CCDC51: variants seen among roughly 807,000 people sequenced by gnomAD.
CCDC51 encodes mitochondrial potassium channel.
CCDC51 carries 25 observed loss-of-function variants against 24.8 expected under a neutral mutation model. The observed-to-expected ratio is 1.01, with a 90% CI of 0.73 to 1.41. CCDC51 has a LOEUF of 1.41. CCDC51 is among the 40% of genes most tolerant of loss of function. The pLI is 0.00. For synonymous variants in CCDC51, 190 were observed against 204.3 expected (o/e 0.93, Z 0.60); for missense variants, 466 against 519.1 (o/e 0.90, Z 0.99).
In CCDC51 at chr3:48,432,923, GCC is replaced by G. The variant is rs1560088007; in HGVS notation, c.719_720del (p.Gly240AlafsTer14). ...LKALLLEAQK[G>X]PVSLQEAIRE... is the part of the protein sequence containing the mutation. Reference sequence around the variant, plus strand: ...CGAATGGCCTCTTGGAGACTCACAGGCCCCTTCTGCGCCTCCAGGAGTAAAGC... The same window carrying G: ...CGAATGGCCTCTTGGAGACTCACAGGCCTTCTGCGCCTCCAGGAGTAAAGC... On this transcript the variant is annotated frameshift_variant, in exon 4 of 4. Transcript: ENST00000395694. LOFTEE classifies it high-confidence loss of function. 1 of 1,614,048 alleles carries G rather than the reference GCC, an allele frequency of 6.2e-7. No individual in the cohort carries two copies. The highest frequency in any genetic ancestry group is 2.2e-5 in the East Asian group (1 of 44,870).
intron 1 of CCDC51, chr3:48,438,059 A>T (rs972335668): frequency 6.6e-6 from 1 of 151,796 alleles, no homozygotes; most frequent in Admixed American, 6.6e-5. Context: ...TCTGGCCTTC[A>T]CCTGCTCCTC....
rs973102065 is a variant in CCDC51, at chr3:48,440,026, G to A, written c.-47C>T. 2 of 534,578 alleles carry A rather than the reference G, an allele frequency of 3.7e-6. No individual in the cohort carries two copies. The highest frequency in any genetic ancestry group is 6.5e-6 in the Non-Finnish European group (2 of 308,980). The allele number at this position is 534,578 out of a possible 1,614,324, so 33.1% of individuals were successfully genotyped here. On this transcript the variant is annotated 5_prime_UTR_variant, in exon 1 of 4. Coordinates refer to ENST00000395694, the MANE Select transcript of CCDC51 (RefSeq NM_001256964.2). ...CCCGCGCACGGCCACAGGCCTGGTA[G>A]GCCGTCCGGTTAAGTACCCCTCCTA...
upstream of CCDC51, among the ~76,000 whole-genome samples, chr3:48,443,397 A>C (rs2039611229): frequency 6.6e-6 from 1 of 151,768 alleles, no homozygotes; most frequent in African/African-American, 2.4e-5. Flanking sequence ...AAATACAAAA[A>C]TTAGCCAGGG....
Position 48,433,725 on chromosome 3 carries a change from G to C in CCDC51, c.459C>G (p.Leu153=). 6.2e-7 allele frequency: 1 copy of C among 1,613,842 alleles called. No individual in the cohort carries two copies. Among genetic ancestry groups the C allele is most frequent in the South Asian group, 1.1e-5 (1 of 91,048 alleles). Residue 153 remains leucine (L), a synonymous_variant, in exon 3 of 4, where the codon CTC becomes CTG. Coordinates refer to ENST00000395694, the MANE Select transcript of CCDC51 (RefSeq NM_001256964.2). The surrounding 1 kb of genome is among the most constrained non-coding windows in gnomAD (Gnocchi z 4.4). The part of the protein sequence containing the change: ...EDSQYLELAT[L]EHRMLQEEKR... ...TGCCTACCTGCAGCATCCTGTGCTC[G>C]AGAGTAGCCAGTTCCAAGTACTGAC...
At position 48,435,349 on chromosome 3, in the gene CCDC51, GGACGA is replaced by G. The variant is rs2039319627; in HGVS notation, c.-8-218_-8-214del. Among the ~76,000 whole-genome samples the G allele has an allele frequency of 1.3e-5, 2 of 152,108 alleles. No homozygotes were observed. Among genetic ancestry groups the G allele is most frequent in the South Asian group, 4.1e-4 (2 of 4,826 alleles). ...CTCTTGGACAATGGAACACAGTTGG[GGACGA>G]GCCTCTAGGATGCCATACCTTCCAG... On this transcript the variant is annotated intron_variant, in intron 1 of 3. Transcript: ENST00000395694. The surrounding 1 kb of genome is among the most constrained non-coding windows in gnomAD (Gnocchi z 4.2).
At chr3:48,434,072 A>G (rs2039277570) in intron 2 of CCDC51, 15 of 1,202,054 alleles carry the variant, frequency 1.2e-5, no homozygotes, top group Non-Finnish European at 1.4e-5. Context: ...CAGAATCACG[A>G]GATTTAGCCA....
chr3:48,446,232 T>C, the CCDC51 span: 6 of 152,298 alleles, frequency 3.9e-5, no homozygotes, highest in African/African-American at 1.2e-4. Context: ...TCATTCCTCC[T>C]TGGACTTTCC....
chr3:48,444,221 G>A (rs949772041), upstream of CCDC51: 9 of 201,960 alleles, frequency 4.5e-5, no homozygotes, highest in Middle Eastern at 1.7e-3. Flanking sequence ...GCGTTCTTGT[G>A]TGGTTGTATA....
In CCDC51 at chr3:48,435,164, C is replaced by CTCA. The variant is rs746837822; in HGVS notation, c.-8-31_-8-29dup. The CTCA allele has an allele frequency of 1.8e-4, 281 of 1,526,612 alleles. No individual in the cohort carries two copies. The Middle Eastern group carries it at 4.2e-3, about 23-fold the overall frequency. 94.6% of individuals were successfully genotyped at this position (1,526,612 alleles called of 1,614,324 possible). ...GTGAGGGGGACGCCAGACAGGTCAG[C>CTCA]TCACAGCTGAGAAAGGCTGGACATA... On this transcript the variant is annotated intron_variant, in intron 1 of 3. Coordinates refer to ENST00000395694, the MANE Select transcript of CCDC51 (RefSeq NM_001256964.2). The surrounding 1 kb of genome is among the most constrained non-coding windows in gnomAD (Gnocchi z 4.2).
chr3:48,440,981 G>C, upstream of CCDC51: 1 of 375,702 alleles, frequency 2.7e-6, no homozygotes, highest in Non-Finnish European at 4.9e-6. Context: ...CTGCCTTCTA[G>C]TGTTTGAACC....
upstream of CCDC51, among the ~76,000 whole-genome samples, chr3:48,442,155 A>G (rs1201891606): frequency 1.3e-5 from 2 of 152,024 alleles, no homozygotes; most frequent in Non-Finnish European, 2.9e-5. Flanking sequence ...GCTTAAGCCC[A>G]GGAGTTCAAG....
At position 48,432,874 on chromosome 3, in the gene CCDC51, C is replaced by T. The variant is rs185891886; in HGVS notation, c.770G>A (p.Arg257His). 853 of 1,613,692 alleles carry T rather than the reference C, an allele frequency of 5.3e-4. 11 individuals are homozygous for T. In the South Asian group the frequency reaches 8.0e-3, roughly 15 times the overall value. ...AIREQASSYS[R>H]QQRDLHNLMV... ...GAGATTGTGGAGGTCCCTCTGCTGG[C>T]GGGAGTAGCTAGACGCCTGTTCTCG... The change falls in exon 4 of 4, where the codon CGC becomes CAC. Residue 257 changes from arginine (R) to histidine (H), a missense_variant. Transcript: ENST00000395694.
intron 1 of CCDC51, among the ~76,000 whole-genome samples, chr3:48,436,800 C>T (rs965501844): frequency 2.6e-5 from 4 of 152,230 alleles, no homozygotes; most frequent in African/African-American, 7.2e-5. Flanking sequence ...TTTTTAGACC[C>T]CAGCAAAGTC....
At chr3:48,440,423 A>G, upstream of CCDC51, 1 of 1,612,600 alleles carries the variant, frequency 6.2e-7, no homozygotes, top group Non-Finnish European at 8.5e-7. Context: ...GAAGCCACTG[A>G]AACAGCCCAA....
At chr3:48,436,204 C>G (rs1052057605) in intron 1 of CCDC51, among the ~76,000 whole-genome samples, 1 of 152,176 alleles carries the variant, frequency 6.6e-6, no homozygotes, top group Non-Finnish European at 1.5e-5. Flanking sequence ...TGGTGGCCAA[C>G]AGACCACGCC....
Position 48,432,606 on chromosome 3 carries a change from G to C in CCDC51, c.1038C>G (p.His346Gln). 6.2e-7 allele frequency: 1 copy of C among 1,614,224 alleles called. No individual in the cohort carries two copies. Among genetic ancestry groups the C allele is most frequent in the African/African-American group, 1.3e-5 (1 of 75,052 alleles). Residue 346 changes from histidine (H) to glutamine (Q), a missense_variant, in exon 4 of 4, where the codon CAC becomes CAG. Coordinates refer to ENST00000395694, the MANE Select transcript of CCDC51 (RefSeq NM_001256964.2). Reference sequence around the variant, plus strand: ...CGTCTGCTGGTTCCACCAGGCCTGGGTGTGCTGCAGACTTTACAAGCTGAA... The same window carrying C: ...CGTCTGCTGGTTCCACCAGGCCTGGCTGTGCTGCAGACTTTACAAGCTGAA... ...GVVQLVKSAA[H>Q]PGLVEPADGA...
chr3:48,443,535 G>GAAA (rs35356755), upstream of CCDC51, among the ~76,000 whole-genome samples: 8 of 114,716 alleles, frequency 7.0e-5, no homozygotes, highest in African/African-American at 2.1e-4. Context: ...TTCCATCTCA[G>GAAA]AAAAAAAAAA....
upstream of CCDC51, chr3:48,440,585 A>C (rs777724168): frequency 3.2e-5 from 52 of 1,611,538 alleles, no homozygotes; most frequent in Non-Finnish European, 4.4e-5. Flanking sequence ...AGCAGAAGAA[A>C]CTCGAGGAGC....
At chr3:48,442,066 A>T (rs57333782), upstream of CCDC51, among the ~76,000 whole-genome samples, 1,029 of 152,182 alleles carry the variant, frequency 6.8e-3, 12 homozygotes, top group African/African-American at 0.024. Context: ...TACAGAAAAA[A>T]TTTAAAATTA....
Sources: gnomAD v4.1 joint callset for allele counts (sites outside exome capture counted in the v4.1 genomes callset) on GRCh38, gnomAD v4.1.1 for gene constraint, Gnocchi (gnomAD v3.1) non-coding constraint, MANE v1.5 for transcripts, NCBI Gene and HGNC (gene_info 2026-07-23, HGNC 2026-07-21) for gene names.